CACNA2D3: variants seen among roughly 807,000 people sequenced by gnomAD.
CACNA2D3 encodes calcium voltage-gated channel auxiliary subunit alpha2delta 3.
Under a neutral mutation model 160.6 loss-of-function variants are expected in CACNA2D3, and 60 were observed. The ratio of observed to expected loss-of-function variants is 0.37; its 90% confidence interval spans 0.30 to 0.46. The LOEUF is 0.46. CACNA2D3 is among the 20% of genes least tolerant of loss of function. The probability of loss-of-function intolerance (pLI) is 1.00; values close to 1 mark genes in which losing one functional copy is unlikely to be tolerated. For missense variants in CACNA2D3, 1,205 were observed against 1,365.0 expected, an observed-to-expected ratio of 0.88 and a Z score of 1.85; for synonymous variants, 558 against 492.9, an observed-to-expected ratio of 1.13 and a Z score of -1.75.
At chr3:55,040,385 A>G (rs527488837) in intron 35 of CACNA2D3, among the ~76,000 whole-genome samples, 1 of 152,228 alleles carries the variant, frequency 6.6e-6, no homozygotes, top group African/African-American at 2.4e-5. Context: ...AAGCTACAAC[A>G]TACAAAAATA....
intron 35 of CACNA2D3, among the ~76,000 whole-genome samples, chr3:55,019,067 A>G (rs972864858): frequency 2.5e-5 from 3 of 120,782 alleles, no homozygotes; most frequent in Non-Finnish European, 4.8e-5. Flanking sequence ...ACAGGCACAC[A>G]ATGCATAGAA....
chr3:54,436,349 C>G (rs1318663877), intron 4 of CACNA2D3, among the ~76,000 whole-genome samples: 1 of 152,192 alleles, frequency 6.6e-6, no homozygotes, highest in South Asian at 2.1e-4. Context: ...ATTAATTCAA[C>G]CATTGTGGAA....
At chr3:54,149,561 G>C (rs1212622332) in intron 2 of CACNA2D3, among the ~76,000 whole-genome samples, 1 of 152,114 alleles carries the variant, frequency 6.6e-6, no homozygotes, top group Non-Finnish European at 1.5e-5. Flanking sequence ...TTGGCCCACA[G>C]ACTCCTCCTC....
At chr3:54,291,073 T>C (rs1231280802) in intron 2 of CACNA2D3, among the ~76,000 whole-genome samples, 1 of 152,026 alleles carries the variant, frequency 6.6e-6, no homozygotes. Flanking sequence ...AAAATAAAAA[T>C]ATGTACCTAC....
intron 11 of CACNA2D3, among the ~76,000 whole-genome samples, chr3:54,714,616 T>G (rs1209366293): frequency 6.6e-6 from 1 of 152,196 alleles, no homozygotes; most frequent in Non-Finnish European, 1.5e-5. Context: ...TCCAACTTGT[T>G]TCGTATGTTT....
chr3:54,318,675 T>G (rs1010267803), intron 2 of CACNA2D3, among the ~76,000 whole-genome samples: 3 of 147,870 alleles, frequency 2.0e-5, no homozygotes, highest in African/African-American at 7.5e-5. Flanking sequence ...TACCTGCCTG[T>G]AAGGGTAAGA....
intron 2 of CACNA2D3, among the ~76,000 whole-genome samples, chr3:54,225,053 A>G (rs1455246965): frequency 6.6e-6 from 1 of 150,544 alleles, no homozygotes; most frequent in Non-Finnish European, 1.5e-5. Flanking sequence ...TGCTGCACCC[A>G]TTAACTCATC....
intron 2 of CACNA2D3, among the ~76,000 whole-genome samples, chr3:54,148,230 C>T (rs930062293): frequency 1.4e-4 from 22 of 152,234 alleles, no homozygotes; most frequent in Non-Finnish European, 5.9e-5. Flanking sequence ...TGCTGGGATG[C>T]AGAGACCAAG....
At chr3:54,422,571 C>A (rs1699853823) in intron 4 of CACNA2D3, among the ~76,000 whole-genome samples, 1 of 151,932 alleles carries the variant, frequency 6.6e-6, no homozygotes, top group Admixed American at 6.6e-5. Flanking sequence ...GAGTGGAATT[C>A]CATGGACAAA....
chr3:54,388,425 G>T (rs1000428519), intron 4 of CACNA2D3, among the ~76,000 whole-genome samples: 2 of 152,036 alleles, frequency 1.3e-5, no homozygotes, highest in African/African-American at 4.8e-5. Context: ...GTTCTGGAGG[G>T]GCAAACAAAA....
At chr3:54,394,401 G>T (rs1699337878) in intron 4 of CACNA2D3, among the ~76,000 whole-genome samples, 1 of 147,296 alleles carries the variant, frequency 6.8e-6, no homozygotes, top group Admixed American at 6.9e-5. Flanking sequence ...CATGTGCCAT[G>T]CTGGTGCGCT....
chr3:54,719,770 C>G (rs539511127), intron 11 of CACNA2D3, among the ~76,000 whole-genome samples: 1 of 152,170 alleles, frequency 6.6e-6, no homozygotes, highest in South Asian at 2.1e-4. Context: ...CCACAAGGGA[C>G]TGTAGTTTAC....
intron 4 of CACNA2D3, among the ~76,000 whole-genome samples, chr3:54,460,514 G>A (rs143557608): frequency 9.3e-4 from 142 of 152,238 alleles, no homozygotes; most frequent in African/African-American, 3.2e-3. Context: ...TGGAATCCTA[G>A]GTATTTTATT....
At chr3:54,452,140 T>A (rs1700317364) in intron 4 of CACNA2D3, among the ~76,000 whole-genome samples, 1 of 152,206 alleles carries the variant, frequency 6.6e-6, no homozygotes, top group South Asian at 2.1e-4. Context: ...CTGGGTAACT[T>A]ATCAAGGAAA....
intron 13 of CACNA2D3, among the ~76,000 whole-genome samples, chr3:54,771,286 C>A (rs1702316640): frequency 6.6e-6 from 1 of 152,144 alleles, no homozygotes; most frequent in Non-Finnish European, 1.5e-5. Context: ...TTCTCTACTG[C>A]CCTTTAACAA....
intron 35 of CACNA2D3, among the ~76,000 whole-genome samples, chr3:55,037,308 C>G (rs1366325118): frequency 6.6e-6 from 1 of 152,176 alleles, no homozygotes. Context: ...TAAAACACAA[C>G]TGGCTCAGAG....
At chr3:54,568,148 G>A (rs576395767) in intron 6 of CACNA2D3, among the ~76,000 whole-genome samples, 112 of 152,300 alleles carry the variant, frequency 7.4e-4, no homozygotes, top group African/African-American at 2.3e-3. Context: ...CAAGCTAAAA[G>A]AGAACAGGAA....
At chr3:54,432,307 G>A (rs548641950) in intron 4 of CACNA2D3, among the ~76,000 whole-genome samples, 200 of 152,100 alleles carry the variant, frequency 1.3e-3, no homozygotes, top group African/African-American at 4.7e-3. Flanking sequence ...TTCTGTCTGG[G>A]ATAAACAATG....
chr3:54,606,960 A>C (rs1698640746), intron 9 of CACNA2D3, among the ~76,000 whole-genome samples: 1 of 152,228 alleles, frequency 6.6e-6, no homozygotes, highest in East Asian at 1.9e-4. Flanking sequence ...GAGTCACTTC[A>C]GATCCTCTTC....
Sources: gnomAD v4.1 joint callset for allele counts (sites outside exome capture counted in the v4.1 genomes callset) on GRCh38, gnomAD v4.1.1 for gene constraint, MANE v1.5 for transcripts, NCBI Gene and HGNC (gene_info 2026-07-23, HGNC 2026-07-21) for gene names.